LDB2: variants seen among roughly 807,000 people sequenced by gnomAD.
LDB2 encodes LIM domain-binding protein 2.
A neutral mutation model predicts 44.3 loss-of-function variants in LDB2; 12 were observed. The observed-to-expected ratio is 0.27, with a 90% CI of 0.17 to 0.44. LDB2 has a LOEUF of 0.44. Among genes scored for constraint, LDB2 ranks in the 20% least tolerant of loss-of-function variants. The probability of loss-of-function intolerance (pLI) is 1.00; values close to 1 mark genes in which losing one functional copy is unlikely to be tolerated. For missense variants in LDB2, 344 were observed against 473.5 expected (o/e 0.73, Z 2.54); for synonymous variants, 164 against 174.8 (o/e 0.94, Z 0.49).
intron 5 of LDB2, among the ~76,000 whole-genome samples, chr4:16,517,630 A>G (rs1724263581): frequency 6.6e-6 from 1 of 152,182 alleles, no homozygotes; most frequent in African/African-American, 2.4e-5. Context: ...AGGGATCAGC[A>G]AGGCCCGAGA....
At chr4:16,606,913 G>A (rs1337334862) in intron 2 of LDB2, among the ~76,000 whole-genome samples, 1 of 152,192 alleles carries the variant, frequency 6.6e-6, no homozygotes, top group Non-Finnish European at 1.5e-5. Flanking sequence ...AATGTTGCCA[G>A]AGAAACAGAC....
intron 1 of LDB2, among the ~76,000 whole-genome samples, chr4:16,825,642 T>C (rs538763044): frequency 6.6e-6 from 1 of 152,238 alleles, no homozygotes; most frequent in Non-Finnish European, 1.5e-5. Flanking sequence ...ATGTTTCCAA[T>C]AGCCAAACCA....
intron 2 of LDB2, among the ~76,000 whole-genome samples, chr4:16,721,543 T>C (rs1758283452): frequency 6.6e-6 from 1 of 152,148 alleles, no homozygotes; most frequent in Non-Finnish European, 1.5e-5. Flanking sequence ...AAATTTCCCC[T>C]GGGCTCTCTA....
intron 1 of LDB2, among the ~76,000 whole-genome samples, chr4:16,763,770 T>C (rs1412973557): frequency 2.0e-5 from 3 of 152,220 alleles, no homozygotes; most frequent in South Asian, 2.1e-4. Context: ...AGAGAACTTA[T>C]GTCCTTAACT....
intron 2 of LDB2, among the ~76,000 whole-genome samples, chr4:16,636,564 C>A (rs1733661203): frequency 6.6e-6 from 1 of 152,274 alleles, no homozygotes; most frequent in Admixed American, 6.5e-5. Flanking sequence ...AGCCTTCAGG[C>A]TGTATGACAA....
intron 2 of LDB2, among the ~76,000 whole-genome samples, chr4:16,639,018 T>C (rs1387665341): frequency 1.3e-5 from 2 of 152,026 alleles, no homozygotes; most frequent in South Asian, 2.1e-4. Context: ...GCAAAAAGAG[T>C]AGTTGCAAAA....
chr4:16,575,781 A>C (rs1222442164), intron 5 of LDB2, among the ~76,000 whole-genome samples: 1 of 152,264 alleles, frequency 6.6e-6, no homozygotes, highest in Non-Finnish European at 1.5e-5. Flanking sequence ...TCTGTTGCCT[A>C]GGCTGGAATG....
At chr4:16,714,801 C>G (rs1054737049) in intron 2 of LDB2, among the ~76,000 whole-genome samples, 3 of 151,986 alleles carry the variant, frequency 2.0e-5, no homozygotes, top group Admixed American at 2.0e-4. Flanking sequence ...GACACATCAC[C>G]CTAATCCCTG....
At chr4:16,710,158 A>T (rs1212926514) in intron 2 of LDB2, among the ~76,000 whole-genome samples, 1 of 152,178 alleles carries the variant, frequency 6.6e-6, no homozygotes, top group Non-Finnish European at 1.5e-5. Flanking sequence ...TGGGAAGAAG[A>T]ATAGTTTTTA....
In LDB2 at chr4:16,680,820, C is replaced by G. The variant is rs76902287; in HGVS notation, c.235+78338G>C. Among the ~76,000 whole-genome samples, 761 of 152,280 alleles carry G rather than the reference C, an allele frequency of 5.0e-3. 9 individuals are homozygous for G. Among genetic ancestry groups the G allele is most frequent in the African/African-American group, 0.017 (716 of 41,570 alleles). On this transcript the variant is annotated intron_variant, in intron 2 of 7. Transcript: ENST00000304523. The stretch of plus-strand genomic sequence containing the variant: ...AACAAACAAGAACCCTCCTACAATG[C>G]AACATGTCTGAATTCTCTTAACTCT...
At chr4:16,765,266 T>A (rs145536713) in intron 1 of LDB2, among the ~76,000 whole-genome samples, 33 of 152,116 alleles carry the variant, frequency 2.2e-4, no homozygotes, top group African/African-American at 7.7e-4. Flanking sequence ...GACCCTGGAG[T>A]TGGCCTCCCA....
intron 2 of LDB2, among the ~76,000 whole-genome samples, chr4:16,611,478 G>A (rs1413538264): frequency 6.6e-6 from 1 of 151,076 alleles, no homozygotes; most frequent in Non-Finnish European, 1.5e-5. Context: ...CATCTTACAT[G>A]CAAAGAAACA....
chr4:16,522,713 C>CT (rs1726702964), intron 5 of LDB2, among the ~76,000 whole-genome samples: 1 of 152,112 alleles, frequency 6.6e-6, no homozygotes, highest in Admixed American at 6.6e-5. Flanking sequence ...CAATGGATGT[C>CT]TAAAAAATAT....
intron 1 of LDB2, among the ~76,000 whole-genome samples, chr4:16,827,183 ATCTCCTTGAAGGCACTACCCGTC>A (rs1170031352): frequency 6.6e-6 from 1 of 152,176 alleles, no homozygotes. Context: ...CTTCATGGAT[ATCTCCTTGAAGGCACTACCCGTC>A]TCTCTCATCA....
intron 5 of LDB2, among the ~76,000 whole-genome samples, chr4:16,577,991 TG>T: frequency 6.6e-6 from 1 of 152,264 alleles, no homozygotes; most frequent in South Asian, 2.1e-4. Context: ...TACATAGTAC[TG>T]GGAAAACTGG....
At chr4:16,884,360 C>A (rs776649222) in intron 1 of LDB2, among the ~76,000 whole-genome samples, 25 of 152,040 alleles carry the variant, frequency 1.6e-4, no homozygotes, top group Non-Finnish European at 2.2e-4. Flanking sequence ...ATGCTATCGT[C>A]CAAAGTATAG....
chr4:16,833,121 G>A (rs1784322506), intron 1 of LDB2, among the ~76,000 whole-genome samples: 1 of 152,056 alleles, frequency 6.6e-6, no homozygotes, highest in Non-Finnish European at 1.5e-5. Flanking sequence ...AATAAAATCT[G>A]AAAGAAAAGA....
chr4:16,893,187 C>T, intron 1 of LDB2: 1 of 349,174 alleles, frequency 2.9e-6, no homozygotes, highest in Non-Finnish European at 4.0e-6. Flanking sequence ...TTCCTTTCCA[C>T]CACCCAGCCC....
At chr4:16,762,117 A>G (rs1355249970) in intron 1 of LDB2, among the ~76,000 whole-genome samples, 1 of 152,044 alleles carries the variant, frequency 6.6e-6, no homozygotes, top group Non-Finnish European at 1.5e-5. Context: ...AATAACTTGA[A>G]CCTGTGAGGC....
Sources: allele counts gnomAD v4.1 joint callset (sites outside exome capture counted in the v4.1 genomes callset), GRCh38; gene constraint gnomAD v4.1.1; transcripts MANE v1.5; gene names NCBI Gene and HGNC (gene_info 2026-07-23, HGNC 2026-07-21).